NFATC4: variants seen among roughly 807,000 people sequenced by gnomAD.
NFATC4 encodes the protein nuclear factor of activated T cells 4, also known as nuclear factor of activated T-cells, cytoplasmic 4.
A neutral mutation model predicts 73.4 loss-of-function variants in NFATC4; 25 were observed. The ratio of observed to expected loss-of-function variants is 0.34; its 90% CI spans 0.25 to 0.48. The LOEUF (loss-of-function observed/expected upper bound fraction) is 0.48, where lower values mean the gene tolerates loss of function less well. Among genes scored for constraint, NFATC4 ranks in the 20% least tolerant of loss-of-function variants. The pLI, the probability that NFATC4 is intolerant of heterozygous loss-of-function variation, is 0.99. For synonymous variants in NFATC4, 523 were observed against 510.3 expected (o/e 1.02, Z -0.34); for missense variants, 1,130 against 1,203.7 (o/e 0.94, Z 0.91).
In NFATC4 at chr14:24,373,764, C is replaced by A; in HGVS notation, c.1629C>A (p.Ile543=). 6.2e-7 allele frequency: 1 copy of A among 1,614,128 alleles called. No individual in the cohort carries two copies. Among genetic ancestry groups the A allele is most frequent in the Non-Finnish European group, 8.5e-7 (1 of 1,180,002 alleles). ...DIELRKGETD[I]GRKNTRVRLV... ...AGCTTCGGAAGGGTGAGACGGACAT[C>A]GGGCGCAAAAACACACGTGTACGGC... The change falls in exon 5 of 10, where the codon ATC becomes ATA. Residue 543 remains isoleucine, a synonymous_variant. Transcript: ENST00000250373. The surrounding 1 kb of genome is among the most constrained non-coding windows in gnomAD (Gnocchi z 4.7).
In NFATC4 at chr14:24,378,909, T is replaced by G. The variant is rs1392368258; in HGVS notation, c.*1204T>G. 1.3e-5 allele frequency: 2 copies of G among 152,284 alleles called. No homozygotes were observed. Among genetic ancestry groups the G allele is most frequent in the Non-Finnish European group, 2.9e-5 (2 of 68,106 alleles). The allele number at this position is 152,284 out of a possible 1,614,324, so 9.4% of individuals were successfully genotyped here. A position where few individuals can be genotyped will look rare whatever the true frequency, so the allele number is the denominator to read the frequency against. On this transcript the variant is annotated 3_prime_UTR_variant, in exon 10 of 10. Coordinates refer to ENST00000250373, the MANE Select transcript of NFATC4 (RefSeq NM_004554.5). Reference sequence around the variant, plus strand: ...GTTCCACTGGGCTGGGAAAAGTCACTTTGTCTGTCTTGTTCACCTGGAGCC... The same window carrying G: ...GTTCCACTGGGCTGGGAAAAGTCACGTTGTCTGTCTTGTTCACCTGGAGCC...
intron 5 of NFATC4, 130 bp from the exon 6 acceptor site, chr14:24,374,196 A>C: frequency 1.7e-6 from 2 of 1,177,976 alleles, no homozygotes; most frequent in Non-Finnish European, 2.4e-6. Context: ...TTACTGGTTT[A>C]TTTGTGTGTC....
chr14:24,375,931 C>A, intron 7 of NFATC4, 44 bp from the exon 8 acceptor site: 6 of 1,612,686 alleles, frequency 3.7e-6, no homozygotes, highest in East Asian at 2.2e-5. Context: ...TGGGCTAAGC[C>A]CAGATGCCCG....
At chr14:24,366,917 G>A (rs531024085), upstream of NFATC4, 302 of 1,513,342 alleles carry the variant, frequency 2.0e-4, no homozygotes, top group Non-Finnish European at 2.5e-4. Flanking sequence ...GTTTGTAAAC[G>A]TCTGACCTGG....
rs1204117776 is a variant in NFATC4, at chr14:24,373,095, G to C, written c.1360-76G>C. ...CTTTCACCATTCCCATCCCATGGTA[G>C]ACTGAAAATCTAGGGATGAATAAAG... On this transcript the variant is annotated intron_variant, in intron 3 of 9. Coordinates refer to ENST00000250373, the MANE Select transcript of NFATC4 (RefSeq NM_004554.5). This position sits in a 1 kb window ranked among gnomAD's most constrained non-coding sequence, Gnocchi z 4.7. The C allele has an allele frequency of 7.0e-7, 1 of 1,436,216 alleles. No homozygotes were observed. Among genetic ancestry groups the C allele is most frequent in the African/African-American group, 1.4e-5 (1 of 70,954 alleles). 89.0% of individuals were successfully genotyped at this position (1,436,216 alleles called of 1,614,324 possible).
intron 1 of NFATC4, 118 bp from the exon 2 acceptor site, chr14:24,369,381 C>A (rs1415346398): frequency 1.2e-6 from 2 of 1,601,224 alleles, no homozygotes; most frequent in Non-Finnish European, 1.7e-6. Flanking sequence ...CAGAAGGTCT[C>A]TTTGCTGAGG....
chr14:24,367,216 T>A (rs1382104713), upstream of NFATC4: 1 of 1,612,558 alleles, frequency 6.2e-7, no homozygotes, highest in African/African-American at 1.3e-5. Context: ...CCAGCCCAGG[T>A]GACAGGTGTC....
rs752877307 is a variant in NFATC4 at position 24,376,591 on chromosome 14, G to T, written c.2354G>T (p.Arg785Leu). 1 of 1,613,714 alleles carries T rather than the reference G, an allele frequency of 6.2e-7. No homozygotes were observed. Among genetic ancestry groups the T allele is most frequent in the Non-Finnish European group, 8.5e-7 (1 of 1,179,942 alleles). The change falls in exon 9 of 10, where the codon CGC becomes CTC. Residue 785 changes from arginine (R) to leucine (L), a missense_variant. Around this residue, in one of 3 missense-constraint regions of NFATC4, gnomAD observed 390 missense variants for 408.1 expected, o/e 0.96. Coordinates refer to ENST00000250373, the MANE Select transcript of NFATC4 (RefSeq NM_004554.5). This position sits in a 1 kb window ranked among gnomAD's most constrained non-coding sequence, Gnocchi z 5.0. ...CCACCTGCAGTTTCCTTCCTTCCCC[G>T]CCCCTTCCCTAGTGACCCGTATGGA... ...AQPPAVSFLP[R>L]PFPSDPYGGR...
At chr14:24,375,583 A>G (rs1348744497) in intron 6 of NFATC4, 77 bp from the exon 7 acceptor site, 7 of 1,498,506 alleles carry the variant, frequency 4.7e-6, no homozygotes, top group Non-Finnish European at 6.4e-6. Context: ...CTCTAACAGG[A>G]GGGGAAATGG....
In NFATC4 at chr14:24,373,680, A is replaced by G; in HGVS notation, c.1560-15A>G. 4 of 1,593,062 alleles carry G rather than the reference A, an allele frequency of 2.5e-6. No homozygotes were observed. Among genetic ancestry groups the G allele is most frequent in the Non-Finnish European group, 3.4e-6 (4 of 1,167,452 alleles). ...CTTCAGCTAGGAGGGCTTGCCATCCATCCTTTGCCTCCAGCATTGACTGCG... is the reference window on the plus strand; with the variant it reads ...CTTCAGCTAGGAGGGCTTGCCATCCGTCCTTTGCCTCCAGCATTGACTGCG... On this transcript the variant is annotated splice_polypyrimidine_tract_variant and intron_variant, in intron 4 of 9. Coordinates refer to ENST00000250373, the MANE Select transcript of NFATC4 (RefSeq NM_004554.5). This position sits in a 1 kb window ranked among gnomAD's most constrained non-coding sequence, Gnocchi z 4.7.
chr14:24,372,424 T>C lies in NFATC4; in HGVS notation c.1197-17T>C, dbSNP rs761186682. ...GTCTGAGGCTGCACATGATCAATGC[T>C]CTTCTCTCCCACCCAGGACCTCTGC... On this transcript the variant is annotated splice_polypyrimidine_tract_variant and intron_variant, in intron 2 of 9. Transcript: ENST00000250373. 1 of 1,610,734 alleles carries C rather than the reference T, an allele frequency of 6.2e-7. No individual in the cohort carries two copies. The highest frequency in any genetic ancestry group is 1.3e-5 in the African/African-American group (1 of 74,880).
rs76581326 is a variant in NFATC4, at chr14:24,372,273, TA to T, written c.1197-160del. 1.3e-4 allele frequency: 96 copies of T among 722,252 alleles called. No individual in the cohort carries two copies. In the East Asian group the frequency reaches 1.4e-3, roughly 10 times the overall value. 44.7% of individuals were successfully genotyped at this position (722,252 alleles called of 1,614,324 possible). ...TCATTTCTTTGTCCTTTTTTTAGTT[TA>T]AAAAAAATTCTTTTTTCCCTTCTTT... On this transcript the variant is annotated intron_variant, in intron 2 of 9. Transcript: ENST00000250373.
Position 24,368,293 on chromosome 14 carries a change from A to G in NFATC4, c.-48A>G, listed in dbSNP as rs914468521. On this transcript the variant is annotated 5_prime_UTR_variant, in exon 1 of 10. Coordinates refer to ENST00000250373, the MANE Select transcript of NFATC4 (RefSeq NM_004554.5). Reference sequence around the variant, plus strand: ...GGGTGAAGATACAGCAGCCTCCTGAACTCCCCCCTCCCACCCAGGCCGGGA... The same window carrying G: ...GGGTGAAGATACAGCAGCCTCCTGAGCTCCCCCCTCCCACCCAGGCCGGGA... 17 of 1,369,578 alleles carry G rather than the reference A, an allele frequency of 1.2e-5. No homozygotes were observed. The highest frequency in any genetic ancestry group is 7.5e-6 in the Non-Finnish European group (8 of 1,061,966). The allele number at this position is 1,369,578 out of a possible 1,614,324, so 84.8% of individuals were successfully genotyped here.
At position 24,373,115 on chromosome 14, in the gene NFATC4, A is replaced by C; in HGVS notation, c.1360-56A>C. On this transcript the variant is annotated intron_variant, in intron 3 of 9. Coordinates refer to ENST00000250373, the MANE Select transcript of NFATC4 (RefSeq NM_004554.5). This position sits in a 1 kb window ranked among gnomAD's most constrained non-coding sequence, Gnocchi z 4.7. Reference sequence around the variant, plus strand: ...TGGTAGACTGAAAATCTAGGGATGAATAAAGGATGAGACGGTGGGGATTTC... The same window carrying C: ...TGGTAGACTGAAAATCTAGGGATGACTAAAGGATGAGACGGTGGGGATTTC... 1.3e-6 allele frequency: 2 copies of C among 1,546,148 alleles called. No homozygotes were observed. Among genetic ancestry groups the C allele is most frequent in the Non-Finnish European group, 1.8e-6 (2 of 1,123,206 alleles).
At chr14:24,369,364 T>C in intron 1 of NFATC4, 135 bp from the exon 2 acceptor site, 1 of 1,599,732 alleles carries the variant, frequency 6.3e-7, no homozygotes, top group Non-Finnish European at 8.5e-7. Context: ...GCTTTTGTCT[T>C]GTGGCTCAGA....
chr14:24,368,814 C>T lies in NFATC4; in HGVS notation c.100+374C>T, dbSNP rs560289402. ...CCGAGCTCTGGCCCGGCCGACTGGA[C>T]GCCCGGGGCTGGGGGCGCTGTCAGG... On this transcript the variant is annotated intron_variant, in intron 1 of 9. Transcript: ENST00000250373. Among the ~76,000 whole-genome samples the T allele has an allele frequency of 2.6e-3, 399 of 152,020 alleles. 1 individual carries two copies. The highest frequency in any genetic ancestry group is 4.0e-3 in the Non-Finnish European group (274 of 67,910).
intron 2 of NFATC4, 80 bp from the exon 3 acceptor site, chr14:24,372,361 C>G: frequency 2.1e-6 from 3 of 1,446,454 alleles, no homozygotes; most frequent in Non-Finnish European, 2.8e-6. Context: ...GACCCATACC[C>G]CCTCCTCCCT....
intron 7 of NFATC4, 73 bp from the exon 8 acceptor site, chr14:24,375,902 T>C: frequency 6.2e-7 from 1 of 1,601,758 alleles, no homozygotes; most frequent in Non-Finnish European, 8.5e-7. Flanking sequence ...GGAGGTGGAG[T>C]CTGGGCCCCT....
chr14:24,373,332 G>A lies in NFATC4; in HGVS notation c.1521G>A (p.Leu507=). 1 of 1,614,200 alleles carries A rather than the reference G, an allele frequency of 6.2e-7. No homozygotes were observed. Among genetic ancestry groups the A allele is most frequent in the Non-Finnish European group, 8.5e-7 (1 of 1,180,050 alleles). ...CCGTAGTCAGTGGCACCAAGGTGTT[G>A]GAGATGACTCTGCTGCCTGAGAACA... The part of the protein sequence containing the change: ...YEAVVSGTKV[L]EMTLLPENNM... Residue 507 remains leucine (L), a synonymous_variant, in exon 4 of 10, where the codon TTG becomes TTA. Coordinates refer to ENST00000250373, the MANE Select transcript of NFATC4 (RefSeq NM_004554.5). This position sits in a 1 kb window ranked among gnomAD's most constrained non-coding sequence, Gnocchi z 4.7.
Sources: gnomAD v4.1 joint callset for allele counts (sites outside exome capture counted in the v4.1 genomes callset) on GRCh38, gnomAD v4.1.1 for gene constraint, gnomAD v4.1.1 regional missense constraint, Gnocchi (gnomAD v3.1) non-coding constraint, MANE v1.5 for transcripts, NCBI Gene and HGNC (gene_info 2026-07-23, HGNC 2026-07-21) for gene names.